The following CNIH3 variants were observed in gnomAD, a reference collection of about 807,000 sequenced individuals.
CNIH3 encodes protein cornichon homolog 3.
Under a neutral mutation model 24.1 loss-of-function variants are expected in CNIH3, and 14 were observed. The ratio of observed to expected loss-of-function variants is 0.58; its 90% CI spans 0.38 to 0.91. The LOEUF (loss-of-function observed/expected upper bound fraction) is 0.91, where lower values mean the gene tolerates loss of function less well. CNIH3 is among the 40% of genes least tolerant of loss of function. The probability of loss-of-function intolerance (pLI) is 0.00; values close to 1 mark genes in which losing one functional copy is unlikely to be tolerated. For missense variants in CNIH3, 178 were observed against 196.8 expected, an observed-to-expected ratio of 0.90 and a Z score of 0.57; for synonymous variants, 68 against 73.8, an observed-to-expected ratio of 0.92 and a Z score of 0.40.
Position 224,595,707 on chromosome 1 carries a change from G to A in CNIH3, n.402+29443G>A, listed in dbSNP as rs182413695. 2.2e-4 allele frequency among the ~76,000 whole-genome samples: 33 copies of A among 152,314 alleles called. No homozygotes were observed. In the East Asian group the frequency reaches 4.8e-3, roughly 22 times the overall value. On this transcript the variant is annotated intron_variant and non_coding_transcript_variant, in intron 3 of 7. Transcript: ENST00000478120. ...AGTTAGCCAAGTTGTGAATGCAAAG[G>A]TGAAGTTCTTGAAGGAAAATAAAAG...
intron 1 of CNIH3, among the ~76,000 whole-genome samples, chr1:224,627,086 C>G (rs1419640790): frequency 6.6e-6 from 1 of 152,148 alleles, no homozygotes; most frequent in Non-Finnish European, 1.5e-5. Flanking sequence ...TATATGTGTT[C>G]ACGGGACTTA....
intron 3 of CNIH3, among the ~76,000 whole-genome samples, chr1:224,687,783 A>G (rs1686733633): frequency 6.6e-6 from 1 of 152,178 alleles, no homozygotes; most frequent in Non-Finnish European, 1.5e-5. Flanking sequence ...TAATAATTGT[A>G]TGGCAGCCAA....
intron 3 of CNIH3, among the ~76,000 whole-genome samples, chr1:224,695,261 C>T (rs149166356): frequency 0.02 from 3,001 of 152,120 alleles, 45 homozygotes; most frequent in East Asian, 0.042. Context: ...TTGACTCTTC[C>T]GTGGGTCTCT....
intron 4 of CNIH3, among the ~76,000 whole-genome samples, chr1:224,571,216 CTTG>C (rs947150137): frequency 1.3e-5 from 2 of 152,182 alleles, no homozygotes; most frequent in African/African-American, 4.8e-5. Flanking sequence ...CCCCAAACCC[CTTG>C]TTGTGTTTTC....
chr1:224,678,454 A>C (rs997314278), intron 1 of CNIH3, among the ~76,000 whole-genome samples: 3 of 152,220 alleles, frequency 2.0e-5, no homozygotes, highest in South Asian at 2.1e-4. Flanking sequence ...TAGTACCGAC[A>C]GTACTTTACA....
chr1:224,566,696 A>G (rs1489497281), intron 4 of CNIH3, among the ~76,000 whole-genome samples: 1 of 152,044 alleles, frequency 6.6e-6, no homozygotes, highest in East Asian at 1.9e-4. Flanking sequence ...AAGGACATGA[A>G]CTCATCATTT....
intron 3 of CNIH3, among the ~76,000 whole-genome samples, chr1:224,688,536 G>A (rs1428208286): frequency 4.6e-5 from 7 of 152,146 alleles, no homozygotes; most frequent in Non-Finnish European, 1.0e-4. Flanking sequence ...AACTTTCTGG[G>A]ACTTCTGTCA....
intron 3 of CNIH3, among the ~76,000 whole-genome samples, chr1:224,711,693 G>A (rs1688158138): frequency 6.6e-6 from 1 of 150,916 alleles, no homozygotes; most frequent in African/African-American, 2.4e-5. Flanking sequence ...TACTCAGGAG[G>A]CTGAGGTGGG....
chr1:224,521,023 C>T (rs1678605277), exon 2 of CNIH3: 1 of 152,218 alleles, frequency 6.6e-6, no homozygotes, highest in African/African-American at 2.4e-5. Flanking sequence ...TGCTGTGGCT[C>T]CAGGCATCAC....
intron 3 of CNIH3, among the ~76,000 whole-genome samples, chr1:224,687,469 G>A (rs1055775130): frequency 6.6e-6 from 1 of 152,166 alleles, no homozygotes; most frequent in African/African-American, 2.4e-5. Flanking sequence ...CTGGCTTCAA[G>A]TGATGCTCCC....
intron 1 of CNIH3, among the ~76,000 whole-genome samples, chr1:224,622,419 A>T (rs1683325816): frequency 6.6e-6 from 1 of 152,142 alleles, no homozygotes; most frequent in African/African-American, 2.4e-5. Flanking sequence ...TAATGTCTGG[A>T]TTGATGCATG....
chr1:224,659,907 G>A (rs1685265736), intron 1 of CNIH3, among the ~76,000 whole-genome samples: 1 of 152,154 alleles, frequency 6.6e-6, no homozygotes, highest in South Asian at 2.1e-4. Context: ...ATGAATATGA[G>A]AAGTTTTCAA....
chr1:224,602,221 A>C (rs1438994436), intron 3 of CNIH3, among the ~76,000 whole-genome samples: 2 of 152,234 alleles, frequency 1.3e-5, no homozygotes, highest in Non-Finnish European at 2.9e-5. Flanking sequence ...ATGTTTTCCA[A>C]CAAGTGGGAC....
intron 1 of CNIH3, among the ~76,000 whole-genome samples, chr1:224,678,886 A>C (rs4653592): frequency 0.41 from 62,060 of 152,000 alleles, 15,013 homozygotes; most frequent in Middle Eastern, 0.56. Flanking sequence ...ATGAAAGAAT[A>C]GGCTGGGGTC....
chr1:224,684,930 G>C lies in CNIH3; in HGVS notation c.198+87G>C. On this transcript the variant is annotated intron_variant, in intron 3 of 5. Transcript: ENST00000272133. The surrounding 1 kb of genome is among the most constrained non-coding windows in gnomAD (Gnocchi z 4.2). ...GAAAGAGGCTAGTGAGGCTCTGCCT[G>C]CTCCAGTCCTGTCCACCAGGGAGGC... 7.8e-7 allele frequency: 1 copy of C among 1,275,024 alleles called. No homozygotes were observed. Among genetic ancestry groups the C allele is most frequent in the South Asian group, 1.2e-5 (1 of 84,116 alleles). The allele number at this position is 1,275,024 out of a possible 1,614,324, so 79.0% of individuals were successfully genotyped here. A position where few individuals can be genotyped will look rare whatever the true frequency, so the allele number is the denominator to read the frequency against.
chr1:224,536,223 A>C (rs1023523398), intron 2 of CNIH3, among the ~76,000 whole-genome samples: 1 of 138,378 alleles, frequency 7.2e-6, no homozygotes, highest in African/African-American at 2.8e-5. Context: ...TTTCAAGCCT[A>C]TTTGCATTTT....
At chr1:224,481,844 G>A (rs1328128325) in intron 1 of CNIH3, among the ~76,000 whole-genome samples, 1 of 152,230 alleles carries the variant, frequency 6.6e-6, no homozygotes, top group Non-Finnish European at 1.5e-5. Context: ...TAAGAGCGGT[G>A]AGTTCCCTTG....
chr1:224,509,758 C>T (rs770085142), intron 1 of CNIH3, among the ~76,000 whole-genome samples: 8 of 152,240 alleles, frequency 5.3e-5, no homozygotes, highest in Non-Finnish European at 1.0e-4. Flanking sequence ...TGCTCAGTCT[C>T]TGGCACCTCT....
chr1:224,482,719 A>T (rs1676864559), intron 1 of CNIH3, among the ~76,000 whole-genome samples: 1 of 152,008 alleles, frequency 6.6e-6, no homozygotes, highest in South Asian at 2.1e-4. Context: ...GGGAGAGGTG[A>T]TGCAAGCACT....
Sources: gnomAD v4.1 joint callset for allele counts (sites outside exome capture counted in the v4.1 genomes callset) on GRCh38, gnomAD v4.1.1 for gene constraint, Gnocchi (gnomAD v3.1) non-coding constraint, MANE v1.5 for transcripts, NCBI Gene and HGNC (gene_info 2026-07-23, HGNC 2026-07-21) for gene names.